PRKCB: variants seen among roughly 807,000 people sequenced by gnomAD.
PRKCB encodes protein kinase C beta type.
Under a neutral mutation model 81.5 loss-of-function variants are expected in PRKCB, and 13 were observed. The ratio of observed to expected loss-of-function variants is 0.16; its 90% confidence interval spans 0.10 to 0.25. The LOEUF is 0.25. Among genes scored for constraint, PRKCB ranks in the 10% least tolerant of loss-of-function variants. PRKCB has a pLI of 1.00. For synonymous variants in PRKCB, 335 were observed against 321.4 expected, an observed-to-expected ratio of 1.04 and a Z score of -0.45; for missense variants, 509 against 875.7, an observed-to-expected ratio of 0.58 and a Z score of 5.29.
intron 5 of PRKCB, among the ~76,000 whole-genome samples, chr16:24,040,999 T>C (rs541643060): frequency 2.4e-4 from 37 of 151,860 alleles, no homozygotes; most frequent in Non-Finnish European, 4.0e-4. Context: ...CAGATCAGAG[T>C]TGTAAAATGC....
At chr16:23,880,678 A>AT (rs1398960344) in intron 2 of PRKCB, among the ~76,000 whole-genome samples, 2 of 149,030 alleles carry the variant, frequency 1.3e-5, no homozygotes, top group South Asian at 2.2e-4. Context: ...CCTTCTGAAT[A>AT]TTTTTTCCTG....
chr16:23,905,658 T>C (rs1963547907), intron 2 of PRKCB, among the ~76,000 whole-genome samples: 1 of 152,222 alleles, frequency 6.6e-6, no homozygotes, highest in African/African-American at 2.4e-5. Context: ...CTTCCAGTAA[T>C]TTTCCAAGCA....
intron 5 of PRKCB, among the ~76,000 whole-genome samples, chr16:24,039,016 TGAGGGTGG>T (rs889406810): frequency 6.6e-6 from 1 of 152,072 alleles, no homozygotes; most frequent in African/African-American, 2.4e-5. Context: ...GATGAGGTTG[TGAGGGTGG>T]GGCCCTCATA....
At chr16:23,911,879 T>C (rs1016777741) in intron 2 of PRKCB, among the ~76,000 whole-genome samples, 1 of 135,954 alleles carries the variant, frequency 7.4e-6, no homozygotes, top group African/African-American at 2.8e-5. Context: ...TTGCCCGGGC[T>C]GGAGTGCAGT....
At chr16:23,964,364 T>G (rs1964460973) in intron 2 of PRKCB, among the ~76,000 whole-genome samples, 1 of 152,214 alleles carries the variant, frequency 6.6e-6, no homozygotes, top group East Asian at 1.9e-4. Flanking sequence ...TGTTTATGCC[T>G]TATCTATGGC....
At chr16:24,026,116 G>A (rs550343627) in intron 3 of PRKCB, among the ~76,000 whole-genome samples, 1 of 152,264 alleles carries the variant, frequency 6.6e-6, no homozygotes, top group South Asian at 2.1e-4. Flanking sequence ...GGGCAACATA[G>A]CAAAAACCCT....
At chr16:23,935,272 G>C (rs139599169) in intron 2 of PRKCB, among the ~76,000 whole-genome samples, 151 of 152,292 alleles carry the variant, frequency 9.9e-4, no homozygotes, top group African/African-American at 3.6e-3. Flanking sequence ...GGCTCTCCAG[G>C]TGACTGTCAT....
intron 9 of PRKCB, among the ~76,000 whole-genome samples, chr16:24,142,411 C>G (rs144148998): frequency 6.6e-6 from 1 of 152,286 alleles, no homozygotes; most frequent in African/African-American, 2.4e-5. Context: ...CTCTCGAAAT[C>G]CTGCTCCTGA....
At chr16:23,942,977 C>A (rs1454355868) in intron 2 of PRKCB, among the ~76,000 whole-genome samples, 3 of 152,132 alleles carry the variant, frequency 2.0e-5, no homozygotes, top group Non-Finnish European at 4.4e-5. Flanking sequence ...CTATCTTGTT[C>A]TTCCACTCCC....
At chr16:24,113,523 T>G (rs1966703825) in intron 8 of PRKCB, among the ~76,000 whole-genome samples, 1 of 147,286 alleles carries the variant, frequency 6.8e-6, no homozygotes, top group Non-Finnish European at 1.5e-5. Flanking sequence ...CCCTCCTTCC[T>G]CCCTCCCTCC....
intron 3 of PRKCB, among the ~76,000 whole-genome samples, chr16:23,989,936 T>G (rs549459820): frequency 3.3e-5 from 5 of 152,140 alleles, no homozygotes; most frequent in Non-Finnish European, 7.4e-5. Flanking sequence ...GATTTTTCCT[T>G]TCTGATAAGA....
At chr16:23,952,678 TG>T (rs1224500646) in intron 2 of PRKCB, among the ~76,000 whole-genome samples, 4 of 152,202 alleles carry the variant, frequency 2.6e-5, no homozygotes, top group African/African-American at 9.6e-5. Flanking sequence ...ACTTCTGTTT[TG>T]TTCTTGGAGG....
At chr16:24,184,994 T>C (rs1967681435) in intron 13 of PRKCB, 117 bp from the exon 14 acceptor site, 1 of 846,174 alleles carries the variant, frequency 1.2e-6, no homozygotes, top group African/African-American at 1.7e-5. Flanking sequence ...CCTGAATAGC[T>C]AATATAAAGA....
chr16:23,963,169 C>T (rs1181776164), intron 2 of PRKCB: 2 of 152,122 alleles, frequency 1.3e-5, no homozygotes, highest in African/African-American at 4.8e-5. Flanking sequence ...ATTCAGGATC[C>T]ACCTCTCCTG....
At chr16:24,163,819 C>A (rs754297544) in intron 10 of PRKCB, among the ~76,000 whole-genome samples, 1 of 152,220 alleles carries the variant, frequency 6.6e-6, no homozygotes, top group Admixed American at 6.5e-5. Context: ...GTCATTACCC[C>A]CTTTTGGGAA....
At chr16:24,058,866 G>T (rs566814698) in intron 5 of PRKCB, among the ~76,000 whole-genome samples, 49 of 129,694 alleles carry the variant, frequency 3.8e-4, no homozygotes, top group African/African-American at 1.6e-3. Flanking sequence ...GACTAGAGCT[G>T]TAGAGACCCA....
At chr16:24,145,877 T>A (rs2141947228) in intron 9 of PRKCB, among the ~76,000 whole-genome samples, 1 of 152,348 alleles carries the variant, frequency 6.6e-6, no homozygotes, top group East Asian at 1.9e-4. Flanking sequence ...TAGAATTGTG[T>A]CCTCGTAAAC....
At chr16:23,897,351 T>C (rs967499208) in intron 2 of PRKCB, among the ~76,000 whole-genome samples, 1 of 152,248 alleles carries the variant, frequency 6.6e-6, no homozygotes, top group Non-Finnish European at 1.5e-5. Context: ...CAGTGTTTCC[T>C]GTGGGTTTGC....
intron 2 of PRKCB, among the ~76,000 whole-genome samples, chr16:23,954,975 A>T (rs899638516): frequency 6.6e-6 from 1 of 152,182 alleles, no homozygotes; most frequent in Admixed American, 6.5e-5. Context: ...AAAATTTTTC[A>T]AGCTGTGGCA....
Sources: allele counts gnomAD v4.1 joint callset (sites outside exome capture counted in the v4.1 genomes callset), GRCh38; gene constraint gnomAD v4.1.1; transcripts MANE v1.5; gene names NCBI Gene and HGNC (gene_info 2026-07-23, HGNC 2026-07-21).